The following POLR1E variants were observed in gnomAD, a reference collection of about 807,000 sequenced individuals.
POLR1E encodes the protein DNA-directed RNA polymerase I subunit RPA49.
In POLR1E, 37 loss-of-function variants were observed where a neutral mutation model predicts 50.9. The ratio of observed to expected loss-of-function variants is 0.73; its 90% confidence interval spans 0.56 to 0.96. POLR1E has a LOEUF of 0.96. Among genes scored for constraint, POLR1E ranks in the 40% least tolerant of loss-of-function variants. The pLI is 0.00. For missense variants in POLR1E, 426 were observed against 518.1 expected (o/e 0.82, Z 1.73); for synonymous variants, 166 against 191.6 (o/e 0.87, Z 1.10).
chr9:37,494,685 C>T (rs1030016375), intron 6 of POLR1E, among the ~76,000 whole-genome samples: 12 of 152,186 alleles, frequency 7.9e-5, no homozygotes, highest in African/African-American at 1.9e-4. Flanking sequence ...GCCATCCTCC[C>T]GCCTTGGCCT....
At chr9:37,489,237 A>G in intron 3 of POLR1E, 78 bp from the exon 4 acceptor site, 2 of 780,706 alleles carry the variant, frequency 2.6e-6, no homozygotes, top group Non-Finnish European at 3.6e-6. Flanking sequence ...CTCTGTCTCA[A>G]AAAAAAAAAA....
chr9:37,494,516 C>T (rs10119071), intron 6 of POLR1E, among the ~76,000 whole-genome samples: 10,518 of 152,236 alleles, frequency 0.069, 980 homozygotes, highest in African/African-American at 0.21. Context: ...TGGCTCACTG[C>T]AGCCATAACC....
chr9:37,503,017 A>G, intron 11 of POLR1E, 26 bp from the exon 12 acceptor site: 2 of 1,596,226 alleles, frequency 1.3e-6, no homozygotes, highest in South Asian at 1.1e-5. Flanking sequence ...GGGTCTCTCC[A>G]GTTCTTCTGT....
chr9:37,494,622 A>G (rs917251534), intron 6 of POLR1E, among the ~76,000 whole-genome samples: 1 of 151,278 alleles, frequency 6.6e-6, no homozygotes, highest in Non-Finnish European at 1.5e-5. Context: ...AGTTTTTTGG[A>G]GAGACAGGGT....
chr9:37,497,406 G>T (rs1013583163), intron 8 of POLR1E, among the ~76,000 whole-genome samples: 2 of 152,154 alleles, frequency 1.3e-5, no homozygotes, highest in Admixed American at 1.3e-4. Flanking sequence ...CCATTAAATG[G>T]CAGAGAAAGG....
At chr9:37,495,087 G>A (rs1564324269) in intron 6 of POLR1E, 82 bp from the exon 7 acceptor site, 1 of 1,183,198 alleles carries the variant, frequency 8.5e-7, no homozygotes, top group Non-Finnish European at 1.3e-6. Flanking sequence ...ACCATTGGTG[G>A]TCTGAAGTGC....
chr9:37,488,376 C>T (rs56210148), intron 3 of POLR1E, among the ~76,000 whole-genome samples: 32,637 of 151,796 alleles, frequency 0.22, 3,672 homozygotes, highest in East Asian at 0.26. Context: ...GGTAACTCTG[C>T]GCATCACTGA....
intron 8 of POLR1E, among the ~76,000 whole-genome samples, chr9:37,497,153 C>G (rs1045141524): frequency 2.6e-5 from 4 of 152,122 alleles, no homozygotes; most frequent in African/African-American, 9.7e-5. Context: ...GTCGGGAGTT[C>G]AAGACCAGCG....
At chr9:37,492,805 C>T in intron 5 of POLR1E, 90 bp downstream of exon 5, 1 of 1,157,118 alleles carries the variant, frequency 8.6e-7, no homozygotes, top group Non-Finnish European at 1.3e-6. Context: ...TTGTTGAACT[C>T]AAGGGTCTCC....
At position 37,495,171 on chromosome 9, in the gene POLR1E, C is replaced by T; in HGVS notation, c.550C>T (p.Leu184=). The T allele has an allele frequency of 6.2e-7, 1 of 1,612,508 alleles. No individual in the cohort carries two copies. Among genetic ancestry groups the T allele is most frequent in the Non-Finnish European group, 8.5e-7 (1 of 1,178,550 alleles). ...TIIDTKGVTA[L]VSDAIHNDLQ... ...TGGATTGTTTCTTTATTGAAAAGCT[C>T]TGGTCAGCGATGCTATCCACAATGA... Residue 184 remains leucine, a splice_region_variant and synonymous_variant, in exon 7 of 12, where the codon CTG becomes TTG. Coordinates refer to ENST00000377798, the MANE Select transcript of POLR1E (RefSeq NM_022490.4).
intron 8 of POLR1E, among the ~76,000 whole-genome samples, chr9:37,496,327 C>G (rs974344976): frequency 5.9e-5 from 9 of 152,092 alleles, no homozygotes; most frequent in African/African-American, 1.9e-4. Flanking sequence ...GGAATGGGTG[C>G]TGGCCAAAGT....
At chr9:37,499,725 T>C (rs1247910144) in intron 9 of POLR1E, among the ~76,000 whole-genome samples, 2 of 149,010 alleles carry the variant, frequency 1.3e-5, no homozygotes, top group East Asian at 2.0e-4. Context: ...GACGGGGTTT[T>C]TCCATGTTGG....
Position 37,501,750 on chromosome 9 carries a change from A to C in POLR1E, c.1006A>C (p.Ile336Leu), listed in dbSNP as rs760947524. 6.2e-7 allele frequency: 1 copy of C among 1,613,836 alleles called. No individual in the cohort carries two copies. Among genetic ancestry groups the C allele is most frequent in the South Asian group, 1.1e-5 (1 of 90,926 alleles). ...NLISDSMKAK[I>L]TAYVIILALH... ...AATTTCGGATTCTATGAAGGCGAAG[A>C]TTACTGCATATGTGATCATACTTGC... The change falls in exon 11 of 12, where the codon ATT becomes CTT. Residue 336 changes from isoleucine to leucine, a missense_variant. By Grantham distance (5) the Ile-to-Leu change is conservative. Coordinates refer to ENST00000377798, the MANE Select transcript of POLR1E (RefSeq NM_022490.4).
At chr9:37,490,116 A>G (rs1820653296) in intron 4 of POLR1E, among the ~76,000 whole-genome samples, 1 of 152,110 alleles carries the variant, frequency 6.6e-6, no homozygotes, top group African/African-American at 2.4e-5. Flanking sequence ...TTTATTTTTT[A>G]TTTTTGTAAA....
intron 3 of POLR1E, among the ~76,000 whole-genome samples, 170 bp downstream of exon 3, chr9:37,488,109 C>T (rs1338522999): frequency 2.0e-5 from 3 of 152,092 alleles, no homozygotes; most frequent in Non-Finnish European, 2.9e-5. Flanking sequence ...CACGTGTAGA[C>T]GTTGCTGGAA....
chr9:37,496,453 C>T (rs1421431340), intron 8 of POLR1E, among the ~76,000 whole-genome samples: 3 of 151,818 alleles, frequency 2.0e-5, no homozygotes, highest in Admixed American at 6.6e-5. Context: ...TCCCCTTTCC[C>T]ATTAAAACAG....
intron 8 of POLR1E, among the ~76,000 whole-genome samples, chr9:37,496,623 CTTTTTTT>C (rs376455174): frequency 0.041 from 4,662 of 112,528 alleles, 90 homozygotes; most frequent in Middle Eastern, 0.1. Flanking sequence ...ATTATTATTT[CTTTTTTT>C]TTTTTTTTTT....
intron 2 of POLR1E, 32 bp downstream of exon 2, chr9:37,486,838 C>T (rs201147537): frequency 1.5e-4 from 243 of 1,582,558 alleles, no homozygotes; most frequent in Non-Finnish European, 2.0e-4. Flanking sequence ...TGTCTCCACT[C>T]TGCAGGGCTC....
At chr9:37,490,749 G>T in intron 4 of POLR1E, 1 of 656,946 alleles carries the variant, frequency 1.5e-6, no homozygotes, top group Non-Finnish European at 2.9e-6. Flanking sequence ...ATTCCTTTTT[G>T]AACAGTACCC....
Sources: gnomAD v4.1 joint callset for allele counts (sites outside exome capture counted in the v4.1 genomes callset) on GRCh38, gnomAD v4.1.1 for gene constraint, MANE v1.5 for transcripts, NCBI Gene and HGNC (gene_info 2026-07-23, HGNC 2026-07-21) for gene names.